Variants in PRKG1 observed in about 807,000 individuals in gnomAD.
The protein encoded by PRKG1 is cGMP-dependent protein kinase 1.
Under a neutral mutation model 88.1 loss-of-function variants are expected in PRKG1, and 35 were observed. The ratio of observed to expected loss-of-function variants is 0.40; its 90% CI spans 0.30 to 0.53. PRKG1 has a LOEUF of 0.53. PRKG1 is among the 20% of genes least tolerant of loss of function. The pLI is 0.59. For missense variants in PRKG1, 540 were observed against 839.8 expected, an observed-to-expected ratio of 0.64 and a Z score of 4.41; for synonymous variants, 303 against 292.5, an observed-to-expected ratio of 1.04 and a Z score of -0.37.
intron 6 of PRKG1, among the ~76,000 whole-genome samples, chr10:52,055,791 A>G (rs1343292901): frequency 6.6e-6 from 1 of 152,174 alleles, no homozygotes; most frequent in Non-Finnish European, 1.5e-5. Context: ...TTTATAAATG[A>G]AGCATATTTA....
intron 3 of PRKG1, among the ~76,000 whole-genome samples, chr10:51,559,183 G>A (rs1419911205): frequency 6.6e-6 from 1 of 152,046 alleles, no homozygotes; most frequent in Non-Finnish European, 1.5e-5. Flanking sequence ...ATCCCTTGCA[G>A]ATAAAGGGGG....
intron 5 of PRKG1, among the ~76,000 whole-genome samples, chr10:51,935,184 C>T (rs138612888): frequency 2.2e-3 from 339 of 152,222 alleles, no homozygotes; most frequent in African/African-American, 7.5e-3. Flanking sequence ...GGAAGAGCCT[C>T]TCTATTCTCA....
chr10:51,285,749 T>C (rs1238985682), intron 2 of PRKG1, among the ~76,000 whole-genome samples: 1 of 152,072 alleles, frequency 6.6e-6, no homozygotes, highest in Non-Finnish European at 1.5e-5. Context: ...GCAGTACAAA[T>C]AGTGGGAGAT....
At chr10:51,825,432 G>A (rs1392479372) in intron 4 of PRKG1, among the ~76,000 whole-genome samples, 2 of 152,128 alleles carry the variant, frequency 1.3e-5, no homozygotes, top group Non-Finnish European at 1.5e-5. Flanking sequence ...TACAGTAGGT[G>A]TTCCAAATGG....
At chr10:51,671,474 C>G (rs1386251562) in intron 3 of PRKG1, among the ~76,000 whole-genome samples, 2 of 152,124 alleles carry the variant, frequency 1.3e-5, no homozygotes. Context: ...GCCAGCAATC[C>G]TTTACCTTTC....
intron 5 of PRKG1, among the ~76,000 whole-genome samples, chr10:51,963,227 T>C (rs1016842376): frequency 7.9e-5 from 12 of 152,284 alleles, no homozygotes; most frequent in African/African-American, 2.4e-4. Context: ...ACTAGCTACA[T>C]GGCAACGAGG....
rs1363631777 is a variant in PRKG1, at chr10:51,088,927, T to C, written c.311+14026T>C. Among the ~76,000 whole-genome samples the C allele has an allele frequency of 2.0e-5, 3 of 151,924 alleles. No individual in the cohort carries two copies. In the East Asian group the frequency reaches 5.8e-4, roughly 29 times the overall value. On this transcript the variant is annotated intron_variant, in intron 1 of 17. Coordinates refer to ENST00000373980, the MANE Select transcript of PRKG1 (RefSeq NM_006258.4). Reference sequence around the variant, plus strand: ...ACATTGGAAACCTATGTCACTGAGCTCAGTGGAATTTCCAAGCATGTTTGG... The same window carrying C: ...ACATTGGAAACCTATGTCACTGAGCCCAGTGGAATTTCCAAGCATGTTTGG...
intron 2 of PRKG1, among the ~76,000 whole-genome samples, chr10:51,269,560 T>G (rs1839924075): frequency 1.3e-5 from 2 of 152,206 alleles, no homozygotes; most frequent in Non-Finnish European, 2.9e-5. Flanking sequence ...TAATGGCATT[T>G]GCAGCAACTT....
chr10:51,230,164 A>G (rs896287061), intron 2 of PRKG1, among the ~76,000 whole-genome samples: 1 of 152,168 alleles, frequency 6.6e-6, no homozygotes, highest in Non-Finnish European at 1.5e-5. Context: ...GCCACTAAAG[A>G]GAATAAAAAT....
chr10:52,223,086 C>T lies in PRKG1; in HGVS notation c.1077-28484C>T, dbSNP rs190511439. Among the ~76,000 whole-genome samples, 30 of 152,218 alleles carry T rather than the reference C, an allele frequency of 2.0e-4. 1 individual carries two copies. In the Middle Eastern group the frequency reaches 0.01, roughly 52 times the overall value. ...TTCTCTTTTATGTGAATATTTTCCT[C>T]GCTCCAATCTTTAAAAACCAACCTA... On this transcript the variant is annotated intron_variant, in intron 9 of 17. Transcript: ENST00000373980.
chr10:51,047,701 T>A (rs1297368153), intron 1 of PRKG1, among the ~76,000 whole-genome samples: 1 of 150,758 alleles, frequency 6.6e-6, no homozygotes, highest in East Asian at 2.0e-4. Context: ...TCCCCACCAC[T>A]CCCTATCATC....
intron 3 of PRKG1, among the ~76,000 whole-genome samples, chr10:51,632,986 A>T (rs533240039): frequency 3.9e-5 from 6 of 152,290 alleles, no homozygotes; most frequent in African/African-American, 1.4e-4. Flanking sequence ...GTCCAATGTA[A>T]TGAATCTTGT....
intron 8 of PRKG1, among the ~76,000 whole-genome samples, chr10:52,153,963 T>A (rs1838013555): frequency 1.3e-5 from 2 of 152,122 alleles, no homozygotes; most frequent in South Asian, 4.1e-4. Context: ...CAGGCTGGTC[T>A]CGAACTCCTG....
intron 2 of PRKG1, among the ~76,000 whole-genome samples, chr10:51,249,644 A>AT (rs150029607): frequency 0.19 from 29,267 of 151,830 alleles, 5,478 homozygotes; most frequent in African/African-American, 0.49. Context: ...AAATGAAAAA[A>AT]ATGACCATTT....
chr10:51,748,589 A>G (rs1837639246), intron 3 of PRKG1, among the ~76,000 whole-genome samples: 1 of 151,872 alleles, frequency 6.6e-6, no homozygotes, highest in Non-Finnish European at 1.5e-5. Context: ...AAAAAAGAGG[A>G]CTCTCCACAA....
At chr10:51,213,237 G>A (rs1446690954) in intron 2 of PRKG1, among the ~76,000 whole-genome samples, 1 of 151,208 alleles carries the variant, frequency 6.6e-6, no homozygotes, top group African/African-American at 2.4e-5. Flanking sequence ...AACACCGCAT[G>A]TTTTCACTCA....
At chr10:51,734,534 C>G (rs1455718294) in intron 3 of PRKG1, among the ~76,000 whole-genome samples, 1 of 152,070 alleles carries the variant, frequency 6.6e-6, no homozygotes, top group African/African-American at 2.4e-5. Flanking sequence ...AACGCTGCCC[C>G]AAATGTAGGC....
intron 3 of PRKG1, among the ~76,000 whole-genome samples, chr10:51,564,731 C>A (rs1019866297): frequency 1.3e-5 from 2 of 152,070 alleles, no homozygotes; most frequent in Non-Finnish European, 1.5e-5. Flanking sequence ...ATATGGTTCA[C>A]AAACTGAAAA....
intron 2 of PRKG1, among the ~76,000 whole-genome samples, chr10:51,294,716 A>C (rs1036815098): frequency 1.3e-5 from 2 of 152,080 alleles, no homozygotes; most frequent in East Asian, 3.9e-4. Flanking sequence ...TGATTATTAT[A>C]GCTTTGTAAG....
Sources: allele counts gnomAD v4.1 joint callset (sites outside exome capture counted in the v4.1 genomes callset), GRCh38; gene constraint gnomAD v4.1.1; transcripts MANE v1.5; gene names NCBI Gene and HGNC (gene_info 2026-07-23, HGNC 2026-07-21).